Variants in RBFOX1 observed in about 807,000 individuals in gnomAD.
The protein encoded by RBFOX1 is RNA binding protein fox-1 homolog 1.
RBFOX1 carries 8 observed loss-of-function variants against 57.7 expected under a neutral mutation model. The ratio of observed to expected loss-of-function variants is 0.14; its 90% CI spans 0.08 to 0.25. The LOEUF (loss-of-function observed/expected upper bound fraction) is 0.25. Among genes scored for constraint, RBFOX1 ranks in the 10% least tolerant of loss-of-function variants. The pLI, the probability that RBFOX1 is intolerant of heterozygous loss-of-function variation, is 1.00. For synonymous variants in RBFOX1, 326 were observed against 222.4 expected, an observed-to-expected ratio of 1.47 and a Z score of -4.15; for missense variants, 611 against 548.5, an observed-to-expected ratio of 1.11 and a Z score of -1.14.
At chr16:7,191,895 T>G (rs768414146) in intron 4 of RBFOX1, among the ~76,000 whole-genome samples, 3 of 152,210 alleles carry the variant, frequency 2.0e-5, no homozygotes, top group African/African-American at 4.8e-5. Flanking sequence ...GCCTTGGGAA[T>G]GAAATGCAAA....
intron 14 of RBFOX1, among the ~76,000 whole-genome samples, chr16:7,679,969 T>G (rs551182246): frequency 6.6e-6 from 1 of 152,282 alleles, no homozygotes; most frequent in South Asian, 2.1e-4. Flanking sequence ...CACCAAATCT[T>G]TATTTCTAAT....
intron 3 of RBFOX1, among the ~76,000 whole-genome samples, chr16:6,828,407 C>T (rs2092401376): frequency 6.6e-6 from 1 of 151,880 alleles, no homozygotes. Flanking sequence ...GCCTTTAGAC[C>T]CAGCTACTCA....
intron 14 of RBFOX1, among the ~76,000 whole-genome samples, chr16:7,697,469 T>G (rs1343559116): frequency 5.9e-5 from 9 of 152,046 alleles, no homozygotes; most frequent in Non-Finnish European, 1.2e-4. Flanking sequence ...AATAGTAACT[T>G]ACTGTCATTT....
chr16:7,182,875 T>C (rs12691058), intron 4 of RBFOX1, among the ~76,000 whole-genome samples: 50,357 of 151,902 alleles, frequency 0.33, 8,888 homozygotes, highest in Non-Finnish European at 0.41. Flanking sequence ...TTCTATGTCT[T>C]CCAAAGATCT....
intron 2 of RBFOX1, among the ~76,000 whole-genome samples, chr16:6,566,839 C>G (rs1037680733): frequency 1.3e-5 from 2 of 152,274 alleles, no homozygotes; most frequent in African/African-American, 2.4e-5. Context: ...AGTCGAGACA[C>G]TGTTTGATAT....
chr16:7,658,176 C>A (rs1458751913), intron 12 of RBFOX1, among the ~76,000 whole-genome samples: 1 of 152,142 alleles, frequency 6.6e-6, no homozygotes, highest in Non-Finnish European at 1.5e-5. Context: ...ACTTTATTAA[C>A]CACCCACAGT....
At chr16:6,762,071 C>A (rs1381318671) in intron 3 of RBFOX1, among the ~76,000 whole-genome samples, 1 of 152,074 alleles carries the variant, frequency 6.6e-6, no homozygotes, top group Non-Finnish European at 1.5e-5. Flanking sequence ...AGCCTGATCT[C>A]CACATGTGGT....
At chr16:5,379,140 G>A (rs930001621) in intron 1 of RBFOX1, among the ~76,000 whole-genome samples, 4 of 151,622 alleles carry the variant, frequency 2.6e-5, no homozygotes, top group East Asian at 3.8e-4. Context: ...ACCTCATGCC[G>A]TTAGGAGCCA....
chr16:6,485,335 C>G (rs2095453493), intron 2 of RBFOX1, among the ~76,000 whole-genome samples: 1 of 150,982 alleles, frequency 6.6e-6, no homozygotes, highest in Non-Finnish European at 1.5e-5. Flanking sequence ...AGGAGCTCCT[C>G]CCTCCCTCTC....
At chr16:6,877,400 A>T (rs1170194123) in intron 3 of RBFOX1, among the ~76,000 whole-genome samples, 2 of 152,186 alleles carry the variant, frequency 1.3e-5, no homozygotes, top group African/African-American at 4.8e-5. Flanking sequence ...ATCATTTTCC[A>T]ATATGGACTG....
At chr16:5,724,161 G>T (rs945328160) in intron 3 of RBFOX1, among the ~76,000 whole-genome samples, 1 of 152,184 alleles carries the variant, frequency 6.6e-6, no homozygotes, top group Non-Finnish European at 1.5e-5. Context: ...TCTCAAAGAA[G>T]AGAATGTTTT....
chr16:7,461,195 G>A (rs1352896388), intron 4 of RBFOX1, among the ~76,000 whole-genome samples: 1 of 150,952 alleles, frequency 6.6e-6, no homozygotes, highest in African/African-American at 2.4e-5. Context: ...TTTTGAGACA[G>A]TCTCACCCTG....
At chr16:7,159,421 G>C (rs759474927) in intron 4 of RBFOX1, among the ~76,000 whole-genome samples, 5 of 152,098 alleles carry the variant, frequency 3.3e-5, no homozygotes, top group African/African-American at 9.7e-5. Context: ...GACAGGATTA[G>C]CATCTATGTC....
intron 2 of RBFOX1, among the ~76,000 whole-genome samples, chr16:6,492,827 C>G (rs1024118294): frequency 6.6e-6 from 1 of 151,968 alleles, no homozygotes; most frequent in Non-Finnish European, 1.5e-5. Context: ...AGGAAGAGCC[C>G]AAAACTCAGA....
intron 9 of RBFOX1, among the ~76,000 whole-genome samples, chr16:7,604,871 G>A (rs998542839): frequency 6.6e-6 from 1 of 152,148 alleles, no homozygotes; most frequent in Non-Finnish European, 1.5e-5. Context: ...CAAGAAACAA[G>A]ACCTGAGATG....
At chr16:6,850,219 A>T (rs1357013772) in intron 3 of RBFOX1, among the ~76,000 whole-genome samples, 1 of 152,222 alleles carries the variant, frequency 6.6e-6, no homozygotes, top group Non-Finnish European at 1.5e-5. Context: ...AGCAGAAATG[A>T]TTCCTCTTTT....
chr16:6,362,064 T>C (rs1312523473), intron 2 of RBFOX1, among the ~76,000 whole-genome samples: 1 of 152,152 alleles, frequency 6.6e-6, no homozygotes. Flanking sequence ...TCTGACTCAA[T>C]AGAAATCAGG....
intron 4 of RBFOX1, among the ~76,000 whole-genome samples, chr16:5,985,383 G>GTCCC (rs2060266437): frequency 6.6e-6 from 1 of 151,970 alleles, no homozygotes; most frequent in Non-Finnish European, 1.5e-5. Flanking sequence ...TATTAATTCA[G>GTCCC]TCCCTTCTCT....
intron 4 of RBFOX1, among the ~76,000 whole-genome samples, chr16:7,433,807 C>T (rs1460716768): frequency 6.6e-6 from 1 of 151,922 alleles, no homozygotes; most frequent in East Asian, 1.9e-4. Flanking sequence ...GCTAGCCAGC[C>T]AGCCTTTCTA....
Sources: allele counts gnomAD v4.1 joint callset (sites outside exome capture counted in the v4.1 genomes callset), GRCh38; gene constraint gnomAD v4.1.1; transcripts MANE v1.5; gene names NCBI Gene and HGNC (gene_info 2026-07-23, HGNC 2026-07-21).